DPF3: variants seen among roughly 807,000 people sequenced by gnomAD.
DPF3 encodes the protein double PHD fingers 3.
Under a neutral mutation model 56.8 loss-of-function variants are expected in DPF3, and 18 were observed. That is an observed-to-expected ratio of 0.32 (90% CI 0.22 to 0.47). The LOEUF (loss-of-function observed/expected upper bound fraction) is 0.47, where lower values mean the gene tolerates loss of function less well. Among genes scored for constraint, DPF3 ranks in the 20% least tolerant of loss-of-function variants. DPF3 has a pLI of 1.00. For synonymous variants in DPF3, 188 were observed against 180.2 expected (o/e 1.04, Z -0.35); for missense variants, 403 against 488.8 (o/e 0.82, Z 1.65).
At chr14:72,724,796 C>A (rs575517443) in intron 4 of DPF3, among the ~76,000 whole-genome samples, 3 of 151,310 alleles carry the variant, frequency 2.0e-5, no homozygotes, top group East Asian at 3.9e-4. Context: ...GCAGCCTCAA[C>A]CTCCCAGGCC....
chr14:72,733,637 G>A (rs571465314), intron 3 of DPF3, among the ~76,000 whole-genome samples: 26 of 152,234 alleles, frequency 1.7e-4, no homozygotes, highest in Admixed American at 1.1e-3. Context: ...AAACAGAAGC[G>A]AGAGGGGAAG....
intron 8 of DPF3, among the ~76,000 whole-genome samples, chr14:72,635,334 G>A (rs1408774006): frequency 6.6e-6 from 1 of 152,200 alleles, no homozygotes; most frequent in African/African-American, 2.4e-5. Flanking sequence ...AAAAAGGAAA[G>A]GCAGGCATCT....
At chr14:72,685,829 C>A (rs771935933) in intron 7 of DPF3, among the ~76,000 whole-genome samples, 5 of 152,114 alleles carry the variant, frequency 3.3e-5, no homozygotes, top group Non-Finnish European at 2.9e-5. Flanking sequence ...GCCCAAAATG[C>A]GAGAGAAATA....
intron 3 of DPF3, among the ~76,000 whole-genome samples, chr14:72,740,484 C>T (rs1369998595): frequency 5.3e-5 from 8 of 152,152 alleles, no homozygotes. Context: ...TATTGTGGTT[C>T]TCAGATGTGT....
At chr14:72,872,888 G>A (rs1027193438) in intron 1 of DPF3, among the ~76,000 whole-genome samples, 1 of 152,132 alleles carries the variant, frequency 6.6e-6, no homozygotes, top group Admixed American at 6.5e-5. Context: ...AATGAAACTG[G>A]AGCCCTTCCT....
rs116724046 is a variant in DPF3, at chr14:72,617,529, C to T, written c.*1768G>A. Among the ~76,000 whole-genome samples the T allele has an allele frequency of 2.5e-3, 385 of 152,230 alleles. No homozygotes were observed. Among genetic ancestry groups the T allele is most frequent in the African/African-American group, 8.7e-3 (362 of 41,530 alleles). Reference sequence around the variant, plus strand: ...ATGAAAATTCCATCCGGTCGGGGGCCCTTTAAATGAGACCATTATGTATGT... The same window carrying T: ...ATGAAAATTCCATCCGGTCGGGGGCTCTTTAAATGAGACCATTATGTATGT... On this transcript the variant is annotated 3_prime_UTR_variant, in exon 11 of 11. Transcript: ENST00000556509.
chr14:72,842,361 C>A (rs906127580), intron 1 of DPF3, among the ~76,000 whole-genome samples: 23 of 152,182 alleles, frequency 1.5e-4, no homozygotes, highest in African/African-American at 5.3e-4. Flanking sequence ...GAAAATAAAT[C>A]ATGGTGAATT....
intron 1 of DPF3, among the ~76,000 whole-genome samples, chr14:72,863,279 A>G: frequency 6.6e-6 from 1 of 151,734 alleles, no homozygotes; most frequent in Non-Finnish European, 1.5e-5. Context: ...TTCCCAAGTC[A>G]GGGACCACCT....
intron 1 of DPF3, among the ~76,000 whole-genome samples, chr14:72,827,421 T>A (rs931953708): frequency 6.6e-6 from 1 of 151,824 alleles, no homozygotes; most frequent in African/African-American, 2.4e-5. Context: ...TTGTGCAATA[T>A]TCTGGCCACC....
chr14:72,767,760 C>CACAAA (rs1555505002), intron 2 of DPF3, among the ~76,000 whole-genome samples: 1 of 72,520 alleles, frequency 1.4e-5, no homozygotes, highest in African/African-American at 6.2e-5. Context: ...CCAAATTTGG[C>CACAAA]AAAAAAAAAA....
intron 1 of DPF3, among the ~76,000 whole-genome samples, chr14:72,851,726 C>A (rs1314975313): frequency 1.3e-5 from 2 of 152,234 alleles, no homozygotes; most frequent in Admixed American, 1.3e-4. Context: ...GATACTTCTT[C>A]AAGTGAAAAA....
chr14:72,697,821 A>G (rs1401531650), intron 6 of DPF3, among the ~76,000 whole-genome samples: 1 of 152,106 alleles, frequency 6.6e-6, no homozygotes, highest in East Asian at 1.9e-4. Context: ...TGGAAAAGGG[A>G]GTGAGTAAGA....
chr14:72,886,051 T>C (rs1041452277), intron 1 of DPF3, among the ~76,000 whole-genome samples: 3 of 152,158 alleles, frequency 2.0e-5, no homozygotes, highest in Non-Finnish European at 4.4e-5. Flanking sequence ...GTTTAATGCA[T>C]ACAAAGTTTC....
chr14:72,786,862 C>T (rs1892229197), intron 1 of DPF3, among the ~76,000 whole-genome samples: 1 of 152,196 alleles, frequency 6.6e-6, no homozygotes, highest in African/African-American at 2.4e-5. Context: ...CGTTTGTTTG[C>T]TTTTTTCTAG....
At chr14:72,728,238 A>G (rs1889488032) in intron 4 of DPF3, among the ~76,000 whole-genome samples, 1 of 152,212 alleles carries the variant, frequency 6.6e-6, no homozygotes. Flanking sequence ...CAAGGAAGAA[A>G]GCAGTAGGTG....
intron 1 of DPF3, among the ~76,000 whole-genome samples, chr14:72,825,672 G>A (rs1883765190): frequency 6.7e-6 from 1 of 149,954 alleles, no homozygotes; most frequent in Admixed American, 6.7e-5. Flanking sequence ...GGATGTGGAT[G>A]AGGGCCCCCA....
intron 6 of DPF3, among the ~76,000 whole-genome samples, chr14:72,696,683 A>C (rs571094825): frequency 1.6e-3 from 242 of 152,328 alleles, no homozygotes; most frequent in African/African-American, 5.6e-3. Flanking sequence ...CTAAGCAAAA[A>C]GCTCCCTCTA....
chr14:72,662,426 T>A, intron 8 of DPF3: 1 of 984,816 alleles, frequency 1.0e-6, no homozygotes, highest in South Asian at 4.7e-5. Flanking sequence ...TCAGCACTTT[T>A]TTCCTTTTAA....
intron 1 of DPF3, among the ~76,000 whole-genome samples, chr14:72,796,069 C>T (rs1299224720): frequency 6.6e-6 from 1 of 152,182 alleles, no homozygotes; most frequent in African/African-American, 2.4e-5. Flanking sequence ...TCATTTGATT[C>T]CATTACTGAA....
Sources: allele counts gnomAD v4.1 joint callset (sites outside exome capture counted in the v4.1 genomes callset), GRCh38; gene constraint gnomAD v4.1.1; transcripts MANE v1.5; gene names NCBI Gene and HGNC (gene_info 2026-07-23, HGNC 2026-07-21).